TFIP11: variants seen among roughly 807,000 people sequenced by gnomAD.
The protein encoded by TFIP11 is tuftelin-interacting protein 11.
In TFIP11, 86 loss-of-function variants were observed where a neutral mutation model predicts 96.8. That is an observed-to-expected ratio of 0.89 (90% confidence interval 0.75 to 1.06). The LOEUF is 1.06. TFIP11 is among the 50% of genes least tolerant of loss of function. The probability of loss-of-function intolerance (pLI) is 0.00; values close to 1 mark genes in which losing one functional copy is unlikely to be tolerated. For missense variants in TFIP11, 881 were observed against 1,076.7 expected (o/e 0.82, Z 2.54); for synonymous variants, 405 against 395.2 (o/e 1.02, Z -0.29).
chr22:26,491,418 T>C lies in TFIP11; in HGVS notation c.*595A>G. ...AAATTTATCCCAGAAGAGTGGGGAT[T>C]ACTGTGACTATCTGAAGTTTTTATA... On this transcript the variant is annotated 3_prime_UTR_variant, in exon 15 of 15. Transcript: ENST00000407690. 7.0e-7 allele frequency: 1 copy of C among 1,434,412 alleles called. No homozygotes were observed. Among genetic ancestry groups the C allele is most frequent in the Non-Finnish European group, 9.7e-7 (1 of 1,027,678 alleles). 88.9% of individuals were successfully genotyped at this position (1,434,412 alleles called of 1,614,324 possible).
At chr22:26,502,183 G>C in intron 7 of TFIP11, 131 bp from the exon 8 acceptor site, 1 of 1,121,728 alleles carries the variant, frequency 8.9e-7, no homozygotes, top group Non-Finnish European at 1.3e-6. Flanking sequence ...TATGAAGGAA[G>C]GAAAGGATGC....
In TFIP11 at chr22:26,492,235, C is replaced by T. The variant is rs1174689819; in HGVS notation, c.2292G>A (p.Val764=). ...AGTTCATGGGCACAGAGCTAGCGGCCACGCCAATGCCCCTCTGAGCCATGT... is the reference window on the plus strand; with the variant it reads ...AGTTCATGGGCACAGAGCTAGCGGCTACGCCAATGCCCCTCTGAGCCATGT... ...AENMAQRGIG[V]AASSVPMNFK... is the part of the protein sequence containing the mutation. The change falls in exon 15 of 15, where the codon GTG becomes GTA. Residue 764 remains valine, a synonymous_variant. Transcript: ENST00000407690. The T allele has an allele frequency of 6.2e-7, 1 of 1,614,224 alleles. No homozygotes were observed. Among genetic ancestry groups the T allele is most frequent in the South Asian group, 1.1e-5 (1 of 91,086 alleles).
chr22:26,496,031 C>T, intron 12 of TFIP11, 42 bp downstream of exon 12: 1 of 1,598,196 alleles, frequency 6.3e-7, no homozygotes, highest in South Asian at 1.1e-5. Context: ...AACCAGGGCA[C>T]CAAAGCTGCT....
rs775964639 is a variant in TFIP11 at position 26,506,470 on chromosome 22, G to C, written c.364-11C>G. The C allele has an allele frequency of 1.7e-5, 27 of 1,585,258 alleles. No individual in the cohort carries two copies. The highest frequency in any genetic ancestry group is 2.3e-5 in the Non-Finnish European group (27 of 1,172,348). ...CTTAAAATTGCCACCCTGCAAAAAA[G>C]AAAAATCAAAGCTTAGTTAATGGAA... On this transcript the variant is annotated splice_polypyrimidine_tract_variant and intron_variant, in intron 5 of 14. Coordinates refer to ENST00000407690, the MANE Select transcript of TFIP11 (RefSeq NM_012143.4).
Position 26,492,311 on chromosome 22 carries a change from C to T in TFIP11, c.2216G>A (p.Arg739Gln), listed in dbSNP as rs376300046. The change falls in exon 15 of 15, where the codon CGG (arginine) becomes CAG (glutamine). Residue 739 changes from arginine to glutamine, a missense_variant. Coordinates refer to ENST00000407690, the MANE Select transcript of TFIP11 (RefSeq NM_012143.4). ...ENIAYLTHTERRKDFQYEAMQ... is the reference protein window; with the variant it reads ...ENIAYLTHTEQRKDFQYEAMQ... ...GGCCTCGTACTGGAAGTCCTTCCTC[C>T]GCTCCGTGTGGGTGAGATAGGCAAT... 4.3e-6 allele frequency: 7 copies of T among 1,614,170 alleles called. No individual in the cohort carries two copies. The highest frequency in any genetic ancestry group is 1.7e-5 in the Admixed American group (1 of 60,024).
At chr22:26,501,194 C>G (rs1389964967) in intron 8 of TFIP11, among the ~76,000 whole-genome samples, 1 of 152,110 alleles carries the variant, frequency 6.6e-6, no homozygotes, top group East Asian at 1.9e-4. Context: ...TAATGGAAAA[C>G]TTAATACACT....
chr22:26,498,760 G>T, intron 10 of TFIP11, 109 bp downstream of exon 10: 1 of 802,518 alleles, frequency 1.2e-6, no homozygotes. Flanking sequence ...GTCAGCATGA[G>T]CAGAGAATTA....
At chr22:26,497,252 C>T (rs1602203992) in intron 10 of TFIP11, among the ~76,000 whole-genome samples, 1 of 152,314 alleles carries the variant, frequency 6.6e-6, no homozygotes, top group East Asian at 1.9e-4. Flanking sequence ...TCCCCTAAGA[C>T]CTCTGTGCCA....
intron 7 of TFIP11, among the ~76,000 whole-genome samples, chr22:26,502,905 C>A (rs901811651): frequency 6.6e-6 from 1 of 152,214 alleles, no homozygotes; most frequent in Non-Finnish European, 1.5e-5. Flanking sequence ...GTGTGCCTGG[C>A]ACCTGTAGGC....
intron 8 of TFIP11, among the ~76,000 whole-genome samples, chr22:26,500,093 T>C (rs1051599695): frequency 3.3e-5 from 5 of 152,246 alleles, no homozygotes; most frequent in Non-Finnish European, 5.9e-5. Context: ...GAAAATATTT[T>C]CTACATTTTT....
chr22:26,503,830 G>A (rs759256366), intron 6 of TFIP11, 37 bp from the exon 7 acceptor site: 59 of 1,607,120 alleles, frequency 3.7e-5, no homozygotes, highest in South Asian at 4.4e-5. Context: ...AGAGTCTTAC[G>A]ATCACAGCAA....
chr22:26,507,551 G>T, intron 4 of TFIP11, among the ~76,000 whole-genome samples: 1 of 150,880 alleles, frequency 6.6e-6, no homozygotes. Flanking sequence ...GATTGCTTGA[G>T]CCCAGGAAGT....
intron 8 of TFIP11, 123 bp from the exon 9 acceptor site, chr22:26,499,754 G>A: frequency 9.7e-7 from 1 of 1,032,412 alleles, no homozygotes; most frequent in South Asian, 1.6e-5. Context: ...AACAGAGCTG[G>A]AGAAGGGCAG....
At chr22:26,492,429 C>T (rs1921337432) in intron 14 of TFIP11, 61 bp from the exon 15 acceptor site, 2 of 1,522,690 alleles carry the variant, frequency 1.3e-6, no homozygotes, top group Admixed American at 1.7e-5. Context: ...GAAGTTGACA[C>T]TGTGGCTTGG....
intron 6 of TFIP11, among the ~76,000 whole-genome samples, chr22:26,505,423 A>G (rs1256996491): frequency 6.6e-6 from 1 of 152,202 alleles, no homozygotes; most frequent in African/African-American, 2.4e-5. Flanking sequence ...GATATTCCTG[A>G]AGGACAAATA....
In TFIP11 at chr22:26,499,454, G is replaced by A; in HGVS notation, c.979C>T (p.Leu327Phe). ...ATCTCCTGCTCCGTGAGGTCGATGAGCAGCTGCAGGTTGTGCTCCAGCTCG... is the reference window on the plus strand; with the variant it reads ...ATCTCCTGCTCCGTGAGGTCGATGAACAGCTGCAGGTTGTGCTCCAGCTCG... The part of the protein sequence containing the change: ...LPELEHNLQL[L>F]IDLTEQEIIQ... Residue 327 changes from leucine (L) to phenylalanine (F), a missense_variant, in exon 9 of 15, where the codon CTC becomes TTC. Transcript: ENST00000407690. 2.5e-6 allele frequency: 4 copies of A among 1,614,178 alleles called. No individual in the cohort carries two copies. Among genetic ancestry groups the A allele is most frequent in the Non-Finnish European group, 2.5e-6 (3 of 1,180,046 alleles).
chr22:26,509,035 A>G (rs550001453), intron 4 of TFIP11, among the ~76,000 whole-genome samples: 19 of 152,228 alleles, frequency 1.2e-4, no homozygotes, highest in African/African-American at 4.6e-4. Flanking sequence ...CCACTATCCT[A>G]GACCAGTCCT....
Position 26,506,370 on chromosome 22 carries a change from T to A in TFIP11, c.453A>T (p.Gly151=). ...DFGSWERHTK[G]IGQKLLQKMG... is the part of the protein sequence containing the mutation. ...TCTTCTGAAGAAGCTTCTGTCCAAT[T>A]CCTTTTGTGTGTCTTTCCCAGCTGC... The change falls in exon 6 of 15, where the codon GGA becomes GGT. Residue 151 remains glycine (G), a synonymous_variant. Transcript: ENST00000407690. The A allele has an allele frequency of 6.2e-7, 1 of 1,614,050 alleles. No individual in the cohort carries two copies. The highest frequency in any genetic ancestry group is 1.1e-5 in the South Asian group (1 of 91,070).
intron 10 of TFIP11, 98 bp downstream of exon 10, chr22:26,498,771 A>G: frequency 1.1e-6 from 1 of 888,520 alleles, no homozygotes; most frequent in Non-Finnish European, 1.8e-6. Context: ...CAGAGAATTA[A>G]TCAAGGCCAG....
Sources: gnomAD v4.1 joint callset for allele counts (sites outside exome capture counted in the v4.1 genomes callset) on GRCh38, gnomAD v4.1.1 for gene constraint, MANE v1.5 for transcripts, NCBI Gene and HGNC (gene_info 2026-07-23, HGNC 2026-07-21) for gene names.